The following USH2A variants were observed in gnomAD, a reference collection of about 807,000 sequenced individuals.
USH2A encodes Usher syndrome 2A (autosomal recessive, mild).
A neutral mutation model predicts 538.9 loss-of-function variants in USH2A; 443 were observed. The ratio of observed to expected loss-of-function variants is 0.82; its 90% CI spans 0.76 to 0.89. USH2A has a LOEUF of 0.89. Ranked by LOEUF, USH2A falls within the 40% of genes least tolerant of loss-of-function variation. The probability of loss-of-function intolerance (pLI) is 0.00; values close to 1 mark genes in which losing one functional copy is unlikely to be tolerated. For missense variants in USH2A, 6,633 were observed against 6,324.8 expected (o/e 1.05, Z -1.65); for synonymous variants, 2,413 against 2,273.5 (o/e 1.06, Z -1.75).
rs1667317930 is a variant in USH2A at position 215,965,443 on chromosome 1, T to C, written c.6994A>G (p.Thr2332Ala). 5 of 1,613,606 alleles carry C rather than the reference T, an allele frequency of 3.1e-6. No individual in the cohort carries two copies. Among genetic ancestry groups the C allele is most frequent in the South Asian group, 2.2e-5 (2 of 91,046 alleles). Residue 2332 changes from threonine (T) to alanine (A), a missense_variant, in exon 37 of 72, where the codon ACA (threonine) becomes GCA (alanine). Physicochemically the swap from Thr to Ala is moderately conservative, Grantham distance 58. Coordinates refer to ENST00000307340, the MANE Select transcript of USH2A (RefSeq NM_206933.4). ...NRTLEAPPEG[T>A]VNVFVKTQGS... ...TGTGTTTTGACAAACACATTTACTG[T>C]TCCTTCAGGAGGAGCTTCTAGAGTT...
intron 41 of USH2A, among the ~76,000 whole-genome samples, chr1:215,879,995 G>C (rs561343813): frequency 6.6e-6 from 1 of 152,254 alleles, no homozygotes; most frequent in African/African-American, 2.4e-5. Flanking sequence ...CAGCCTGTAA[G>C]CTTCTTCATA....
Position 215,758,767 on chromosome 1 carries a change from AAAG to A in USH2A, c.11232-18_11232-16del, listed in dbSNP as rs1414915585. On this transcript the variant is annotated splice_polypyrimidine_tract_variant and intron_variant, in intron 57 of 71. Transcript: ENST00000307340. ...TGTAAGTGTATCTATATTTAAAAAG[AAAG>A]AAGAATTGTGGTAAGGCCATGCACA... The A allele has an allele frequency of 1.9e-6, 3 of 1,613,118 alleles. No homozygotes were observed. Among genetic ancestry groups the A allele is most frequent in the African/African-American group, 1.3e-5 (1 of 75,038 alleles).
In USH2A at chr1:215,636,986, G is replaced by A. The variant is rs372949646; in HGVS notation, c.15052+2169C>T. On this transcript the variant is annotated intron_variant, in intron 69 of 71. Coordinates refer to ENST00000307340, the MANE Select transcript of USH2A (RefSeq NM_206933.4). ...ATGAAGACCTCGAGATCAGGATGGT[G>A]TCCCTTTATCCCTTCCCTTCTGTCT... Among the ~76,000 whole-genome samples, 14 of 152,104 alleles carry A rather than the reference G, an allele frequency of 9.2e-5. No individual in the cohort carries two copies. The South Asian group carries it at 1.2e-3, about 14-fold the overall frequency.
At chr1:215,923,684 A>G (rs888787081) in intron 38 of USH2A, among the ~76,000 whole-genome samples, 1 of 152,074 alleles carries the variant, frequency 6.6e-6, no homozygotes, top group Non-Finnish European at 1.5e-5. Flanking sequence ...CCTGTCATCA[A>G]AAGAAAGGGT....
At chr1:216,239,387 T>C (rs2035891478) in intron 13 of USH2A, among the ~76,000 whole-genome samples, 1 of 152,168 alleles carries the variant, frequency 6.6e-6, no homozygotes, top group African/African-American at 2.4e-5. Context: ...CTGAGGTATT[T>C]TTGAAATATA....
intron 55 of USH2A, among the ~76,000 whole-genome samples, chr1:215,771,112 G>T (rs1380268487): frequency 1.3e-5 from 2 of 150,326 alleles, no homozygotes; most frequent in East Asian, 3.9e-4. Flanking sequence ...GGGTGACATA[G>T]TAGCTAGACT....
At chr1:216,413,880 G>A (rs2039533366) in intron 3 of USH2A, among the ~76,000 whole-genome samples, 1 of 152,040 alleles carries the variant, frequency 6.6e-6, no homozygotes, top group African/African-American at 2.4e-5. Context: ...ATGATTCTTT[G>A]ACACTATTTG....
In USH2A at chr1:215,696,953, T is replaced by G. The variant is rs541699634; in HGVS notation, c.12067-16577A>C. Among the ~76,000 whole-genome samples the G allele has an allele frequency of 1.6e-4, 24 of 152,038 alleles. No homozygotes were observed. The South Asian group carries it at 4.2e-3, about 26-fold the overall frequency. On this transcript the variant is annotated intron_variant, in intron 61 of 71. Coordinates refer to ENST00000307340, the MANE Select transcript of USH2A (RefSeq NM_206933.4). Reference sequence around the variant, plus strand: ...CACTTCCATTACACCCTCTTTTTTTTTTGTTTGTTTGTTTTTTGAGACAGG... The same window carrying G: ...CACTTCCATTACACCCTCTTTTTTTGTTGTTTGTTTGTTTTTTGAGACAGG...
rs750028425 is a variant in USH2A at position 216,084,762 on chromosome 1, G to T, written c.5103C>A (p.Asn1701Lys). The T allele has an allele frequency of 1.9e-6, 3 of 1,613,360 alleles. No individual in the cohort carries two copies. Among genetic ancestry groups the T allele is most frequent in the Non-Finnish European group, 2.5e-6 (3 of 1,179,690 alleles). ...GACATCCCTCCCAGCTGTTATACAC[G>T]TTGATTTGTTCTTCAGAACTCTGCC... is the stretch of plus-strand genomic sequence containing the variant. Reference protein sequence around the residue: ...LDWQSSEEQINVYNSWEGCPA... With the variant: ...LDWQSSEEQIKVYNSWEGCPA... The change falls in exon 25 of 72, where the codon AAC becomes AAA. Residue 1701 changes from asparagine to lysine, a missense_variant. Transcript: ENST00000307340.
At position 216,159,821 on chromosome 1, in the gene USH2A, A is replaced by T. The variant is rs2102627740; in HGVS notation, c.4627+15431T>A. Among the ~76,000 whole-genome samples the T allele has an allele frequency of 2.0e-5, 3 of 152,194 alleles. No homozygotes were observed. The Middle Eastern group carries it at 0.01, about 518-fold the overall frequency. ...CTTTATGTAAAAGACTTAACTATAGATTTCATTTTTAAAACACATCTAGGA... is the reference window on the plus strand; with the variant it reads ...CTTTATGTAAAAGACTTAACTATAGTTTTCATTTTTAAAACACATCTAGGA... On this transcript the variant is annotated intron_variant, in intron 21 of 71. Coordinates refer to ENST00000307340, the MANE Select transcript of USH2A (RefSeq NM_206933.4).
At chr1:215,873,226 C>A (rs1324299930) in intron 43 of USH2A, among the ~76,000 whole-genome samples, 3 of 152,106 alleles carry the variant, frequency 2.0e-5, no homozygotes, top group Non-Finnish European at 4.4e-5. Context: ...TATGAGATGG[C>A]ATACTAGTGT....
chr1:216,308,606 T>C (rs2037362118), intron 9 of USH2A, among the ~76,000 whole-genome samples: 2 of 152,210 alleles, frequency 1.3e-5, no homozygotes, highest in African/African-American at 4.8e-5. Context: ...ACTGCTAGTA[T>C]GTAGCTTTTC....
intron 47 of USH2A, among the ~76,000 whole-genome samples, chr1:215,818,803 C>T (rs1163025680): frequency 1.3e-5 from 2 of 151,704 alleles, no homozygotes; most frequent in Non-Finnish European, 3.0e-5. Flanking sequence ...CTGCCTAGAC[C>T]ACACATCTAT....
intron 49 of USH2A, among the ~76,000 whole-genome samples, chr1:215,807,388 C>T (rs1662533671): frequency 6.6e-6 from 1 of 152,090 alleles, no homozygotes; most frequent in African/African-American, 2.4e-5. Context: ...TATTTAATTT[C>T]CCCTATAAGA....
intron 3 of USH2A, among the ~76,000 whole-genome samples, chr1:216,414,666 C>T (rs1028332289): frequency 2.6e-5 from 4 of 152,124 alleles, no homozygotes; most frequent in Non-Finnish European, 4.4e-5. Context: ...CTATAAGCAA[C>T]GAACTAAAAT....
intron 9 of USH2A, among the ~76,000 whole-genome samples, chr1:216,310,591 T>C (rs1558032373): frequency 1.3e-5 from 2 of 152,200 alleles, no homozygotes; most frequent in Non-Finnish European, 2.9e-5. Context: ...AGCTCACTGA[T>C]TCTTTCCTCT....
At chr1:215,765,183 A>T (rs1029541325) in intron 56 of USH2A, among the ~76,000 whole-genome samples, 1 of 152,108 alleles carries the variant, frequency 6.6e-6, no homozygotes, top group Non-Finnish European at 1.5e-5. Context: ...GTTTCAGCCA[A>T]ATCTGGTTGA....
At chr1:215,944,604 A>T (rs1299694168) in intron 37 of USH2A, among the ~76,000 whole-genome samples, 2 of 152,180 alleles carry the variant, frequency 1.3e-5, no homozygotes, top group East Asian at 3.9e-4. Context: ...TAAGTTCTAG[A>T]CAGTCCCCTA....
At chr1:215,893,753 AG>A (rs2102464470) in intron 40 of USH2A, among the ~76,000 whole-genome samples, 1 of 152,300 alleles carries the variant, frequency 6.6e-6, no homozygotes, top group East Asian at 1.9e-4. Context: ...TTAAGTGCCC[AG>A]GGGAGATTCG....
Sources: allele counts gnomAD v4.1 joint callset (sites outside exome capture counted in the v4.1 genomes callset), GRCh38; gene constraint gnomAD v4.1.1; transcripts MANE v1.5; gene names NCBI Gene and HGNC (gene_info 2026-07-23, HGNC 2026-07-21).